The following QKI variants were observed in gnomAD, a reference collection of about 807,000 sequenced individuals.
QKI encodes KH domain-containing RNA-binding protein QKI.
A neutral mutation model predicts 39.0 loss-of-function variants in QKI; 10 were observed. The observed-to-expected ratio is 0.26, with a 90% CI of 0.16 to 0.43. The LOEUF is 0.43. QKI is among the 20% of genes least tolerant of loss of function. The pLI, the probability that QKI is intolerant of heterozygous loss-of-function variation, is 1.00. For synonymous variants in QKI, 204 were observed against 155.4 expected (o/e 1.31, Z -2.33); for missense variants, 218 against 428.0 (o/e 0.51, Z 4.33).
rs1783154149 is a variant in QKI at position 163,563,428 on chromosome 6, G to A, written c.643G>A (p.Ala215Thr). The change falls in exon 6 of 8, where the codon GCC becomes ACC. Residue 215 changes from alanine (A) to threonine (T), a missense_variant. Ala to Thr is a moderately conservative substitution (Grantham distance 58). Transcript: ENST00000361752. Reference protein sequence around the residue: ...RDANIKSPALAFSLAATAQAA... With the variant: ...RDANIKSPALTFSLAATAQAA... ...TTCTTTGCTTACTGTAGCAGCCCTTGCCTTTTCTCTTGCAGCAACAGCCCA... is the reference window on the plus strand; with the variant it reads ...TTCTTTGCTTACTGTAGCAGCCCTTACCTTTTCTCTTGCAGCAACAGCCCA... 1 of 1,605,712 alleles carries A rather than the reference G, an allele frequency of 6.2e-7. No individual in the cohort carries two copies. Among genetic ancestry groups the A allele is most frequent in the South Asian group, 1.1e-5 (1 of 90,322 alleles).
chr6:163,452,215 A>G (rs1357866626), intron 1 of QKI, among the ~76,000 whole-genome samples: 1 of 152,208 alleles, frequency 6.6e-6, no homozygotes, highest in Non-Finnish European at 1.5e-5. Flanking sequence ...ATGATTTTCT[A>G]CTTTTTTCCC....
At chr6:163,450,119 A>G (rs972894475) in intron 1 of QKI, among the ~76,000 whole-genome samples, 1 of 152,058 alleles carries the variant, frequency 6.6e-6, no homozygotes, top group African/African-American at 2.4e-5. Flanking sequence ...GTGCAGTGGC[A>G]TGATCTCAGC....
intron 3 of QKI, among the ~76,000 whole-genome samples, chr6:163,511,323 A>T (rs1779461840): frequency 1.3e-5 from 2 of 152,154 alleles, no homozygotes; most frequent in African/African-American, 4.8e-5. Flanking sequence ...TAAAGAAAAC[A>T]GCAAGGTAAA....
intron 2 of QKI, among the ~76,000 whole-genome samples, chr6:163,474,397 G>A (rs980463658): frequency 1.3e-5 from 2 of 152,140 alleles, no homozygotes; most frequent in African/African-American, 4.8e-5. Context: ...TCCAGGTGAT[G>A]TGATTGTTTA....
At chr6:163,563,763 ATATT>A (rs1442161661) in intron 6 of QKI, 44 bp downstream of exon 6, 1 of 1,558,572 alleles carries the variant, frequency 6.4e-7, no homozygotes, top group Admixed American at 1.9e-5. Context: ...CTCTTTATAA[ATATT>A]TTTGCTCCCT....
At chr6:163,550,634 G>C (rs1782168597) in intron 4 of QKI, among the ~76,000 whole-genome samples, 1 of 151,882 alleles carries the variant, frequency 6.6e-6, no homozygotes, top group African/African-American at 2.4e-5. Context: ...AATATTTAAA[G>C]CACCAGCCAC....
At chr6:163,506,262 T>G (rs1779087443) in intron 3 of QKI, among the ~76,000 whole-genome samples, 1 of 152,226 alleles carries the variant, frequency 6.6e-6, no homozygotes, top group African/African-American at 2.4e-5. Context: ...TCATTATTCT[T>G]GTGAGATTTT....
At chr6:163,516,199 A>G (rs1779784535) in intron 3 of QKI, among the ~76,000 whole-genome samples, 1 of 152,202 alleles carries the variant, frequency 6.6e-6, no homozygotes, top group Non-Finnish European at 1.5e-5. Flanking sequence ...GACACTCAAC[A>G]ACATACATAC....
intron 3 of QKI, among the ~76,000 whole-genome samples, chr6:163,530,485 T>G (rs981758605): frequency 2.0e-5 from 3 of 152,322 alleles, no homozygotes; most frequent in Admixed American, 6.5e-5. Flanking sequence ...CAGATTGCCT[T>G]TATAATCTGC....
At chr6:163,570,668 GT>G (rs112825267) in intron 7 of QKI, 25 bp from the exon 8 acceptor site, 33 of 1,575,730 alleles carry the variant, frequency 2.1e-5, no homozygotes, top group African/African-American at 8.3e-5. Flanking sequence ...TTTTTGTTTT[GT>G]TTTTTTTTGT....
intron 3 of QKI, among the ~76,000 whole-genome samples, chr6:163,522,770 G>A (rs976147572): frequency 2.6e-5 from 4 of 152,104 alleles, no homozygotes; most frequent in African/African-American, 7.2e-5. Flanking sequence ...CCTGAACATC[G>A]TCATAAACTA....
At chr6:163,530,602 A>G (rs1780788476) in intron 3 of QKI, among the ~76,000 whole-genome samples, 1 of 152,214 alleles carries the variant, frequency 6.6e-6, no homozygotes, top group Non-Finnish European at 1.5e-5. Flanking sequence ...GGAATGGACT[A>G]CAGTAGAATG....
At chr6:163,441,969 A>G (rs570592792) in intron 1 of QKI, among the ~76,000 whole-genome samples, 10 of 152,356 alleles carry the variant, frequency 6.6e-5, no homozygotes, top group Non-Finnish European at 1.2e-4. Context: ...ATGGGAAATC[A>G]TTAGAGCAGT....
Position 163,562,026 on chromosome 6 carries a change from T to C in QKI, c.591T>C (p.Leu197=). Residue 197 remains leucine (L), a synonymous_variant, in exon 5 of 8, where the codon CTT becomes CTC. Coordinates refer to ENST00000361752, the MANE Select transcript of QKI (RefSeq NM_006775.3). Reference sequence around the variant, plus strand: ...TGAAGAAGATGCAGCTGATGGAGCTTGCGATTCTGAATGGCACCTACAGAG... The same window carrying C: ...TGAAGAAGATGCAGCTGATGGAGCTCGCGATTCTGAATGGCACCTACAGAG... ...DSLKKMQLME[L]AILNGTYRDA... 6.2e-7 allele frequency: 1 copy of C among 1,613,670 alleles called. No homozygotes were observed. Among genetic ancestry groups the C allele is most frequent in the Non-Finnish European group, 8.5e-7 (1 of 1,179,840 alleles).
intron 3 of QKI, among the ~76,000 whole-genome samples, chr6:163,500,241 T>C (rs575706820): frequency 2.0e-4 from 30 of 152,280 alleles, no homozygotes; most frequent in Admixed American, 7.8e-4. Context: ...AGGGATGATA[T>C]GATATTTATT....
intron 4 of QKI, among the ~76,000 whole-genome samples, chr6:163,557,550 G>A (rs959353468): frequency 3.3e-5 from 5 of 152,042 alleles, no homozygotes; most frequent in African/African-American, 7.2e-5. Context: ...TGGTTGGGAG[G>A]GCACAGTGGG....
At chr6:163,421,187 G>GT (rs1787964834) in intron 1 of QKI, among the ~76,000 whole-genome samples, 2 of 152,166 alleles carry the variant, frequency 1.3e-5, no homozygotes, top group African/African-American at 4.8e-5. Context: ...GCACTTATAT[G>GT]TTTTCTTAAA....
intron 1 of QKI, among the ~76,000 whole-genome samples, chr6:163,447,722 G>A (rs1306579677): frequency 2.0e-5 from 3 of 152,122 alleles, no homozygotes; most frequent in Admixed American, 6.5e-5. Context: ...GACCAGTTGA[G>A]TCATGTAAAA....
intron 3 of QKI, among the ~76,000 whole-genome samples, chr6:163,515,054 AAATTC>A (rs1251505410): frequency 6.6e-6 from 1 of 152,214 alleles, no homozygotes; most frequent in African/African-American, 2.4e-5. Flanking sequence ...AAAAGATCAC[AAATTC>A]AATTAAAAAT....
Sources: gnomAD v4.1 joint callset for allele counts (sites outside exome capture counted in the v4.1 genomes callset) on GRCh38, gnomAD v4.1.1 for gene constraint, MANE v1.5 for transcripts, NCBI Gene and HGNC (gene_info 2026-07-23, HGNC 2026-07-21) for gene names.